Variants in SNED1 observed in about 807,000 individuals in gnomAD.
SNED1 encodes sushi, nidogen and EGF like domains 1.
Under a neutral mutation model 166.7 loss-of-function variants are expected in SNED1, and 81 were observed. The observed-to-expected ratio is 0.49, with a 90% CI of 0.41 to 0.58. The LOEUF is 0.58. Ranked by LOEUF, SNED1 falls within the 20% of genes least tolerant of loss-of-function variation. The probability of loss-of-function intolerance (pLI) is 0.00; values close to 1 mark genes in which losing one functional copy is unlikely to be tolerated. For synonymous variants in SNED1, 762 were observed against 822.0 expected (o/e 0.93, Z 1.25); for missense variants, 1,604 against 2,000.2 (o/e 0.80, Z 3.78).
At chr2:241,043,007 A>G (rs916194709) in intron 8 of SNED1, among the ~76,000 whole-genome samples, 1 of 152,214 alleles carries the variant, frequency 6.6e-6, no homozygotes, top group Non-Finnish European at 1.5e-5. Flanking sequence ...GGATCCATGT[A>G]TGTGCAGTCT....
At chr2:241,058,058 A>G (rs1213155139) in intron 16 of SNED1, among the ~76,000 whole-genome samples, 2 of 152,222 alleles carry the variant, frequency 1.3e-5, no homozygotes, top group African/African-American at 4.8e-5. Flanking sequence ...GCACTCTTAG[A>G]CATTCCTAAA....
chr2:241,040,455 G>A, intron 8 of SNED1, 42 bp downstream of exon 8: 3 of 1,334,734 alleles, frequency 2.2e-6, no homozygotes, highest in South Asian at 1.4e-5. Flanking sequence ...GCTGATGGTG[G>A]CTTTGTGCCG....
rs2061938281 is a variant in SNED1, at chr2:241,053,266, C to A, written c.2197C>A (p.Pro733Thr). 1.9e-6 allele frequency: 3 copies of A among 1,604,046 alleles called. No homozygotes were observed. Among genetic ancestry groups the A allele is most frequent in the Non-Finnish European group, 1.7e-6 (2 of 1,175,244 alleles). Residue 733 changes from proline (P) to threonine (T), a missense_variant, in exon 16 of 32, where the codon CCC becomes ACC. By Grantham distance (38) the Pro-to-Thr change is conservative (BLOSUM62 -1). Around this residue, in one of 2 missense-constraint regions of SNED1, gnomAD observed 1,237 missense variants for 1,620.8 expected, o/e 0.76. Coordinates refer to ENST00000310397, the MANE Select transcript of SNED1 (RefSeq NM_001080437.3). ...TGACCGTGGCTACAGCCTGAGCGCCCCCAGCCGCATCCGGGTCTGCCAGCC... is the reference window on the plus strand; with the variant it reads ...TGACCGTGGCTACAGCCTGAGCGCCACCAGCCGCATCCGGGTCTGCCAGCC... The part of the protein sequence containing the change: ...ACDRGYSLSA[P>T]SRIRVCQPHG...
rs1391403378 is a variant in SNED1, at chr2:241,095,060, G to A, written c.*3424G>A. The A allele has an allele frequency of 1.1e-5, 1 of 90,298 alleles. No homozygotes were observed. The highest frequency in any genetic ancestry group is 4.8e-4 in the South Asian group (1 of 2,066). 5.6% of individuals were successfully genotyped at this position (90,298 alleles called of 1,614,324 possible). A position where few individuals can be genotyped will look rare whatever the true frequency, so the allele number is the denominator to read the frequency against. ...CTCATTGAGTTCCCTAAGGTGACAC[G>A]CCCCCCCCCCCCCCCACACCCACCT... is the stretch of plus-strand genomic sequence containing the variant. On this transcript the variant is annotated 3_prime_UTR_variant, in exon 32 of 32. Coordinates refer to ENST00000310397, the MANE Select transcript of SNED1 (RefSeq NM_001080437.3).
intron 27 of SNED1, chr2:241,074,095 AG>A (rs1350008027): frequency 6.6e-6 from 1 of 152,216 alleles, no homozygotes; most frequent in African/African-American, 2.4e-5. Context: ...GTCATACCAT[AG>A]ACTCAGATTG....
intron 28 of SNED1, 101 bp downstream of exon 28, chr2:241,081,894 C>A: frequency 1.2e-6 from 1 of 866,600 alleles, no homozygotes; most frequent in Non-Finnish European, 1.9e-6. Context: ...AGCCTCCAAA[C>A]GATGAGGTGC....
At position 240,998,770 on chromosome 2, in the gene SNED1, C is replaced by A. The variant is rs1163499586; in HGVS notation, c.-68C>A. 3 of 794,566 alleles carry A rather than the reference C, an allele frequency of 3.8e-6. No individual in the cohort carries two copies. The highest frequency in any genetic ancestry group is 1.2e-4 in the Admixed American group (2 of 17,138). 49.2% of individuals were successfully genotyped at this position (794,566 alleles called of 1,614,324 possible). ...ACCCCGCCTGGCCCTGCCGGCCACC[C>A]CCGCGCGCAGCCTAGTCCCCCAGCG... On this transcript the variant is annotated 5_prime_UTR_variant, in exon 1 of 32. Coordinates refer to ENST00000310397, the MANE Select transcript of SNED1 (RefSeq NM_001080437.3).
chr2:241,090,247 G>A, intron 31 of SNED1: 2 of 1,501,756 alleles, frequency 1.3e-6, no homozygotes, highest in East Asian at 2.5e-5. Flanking sequence ...TAAAAACTAA[G>A]ACACAAACAC....
intron 8 of SNED1, among the ~76,000 whole-genome samples, chr2:241,044,917 A>G (rs1396021350): frequency 6.6e-6 from 1 of 152,232 alleles, no homozygotes; most frequent in Non-Finnish European, 1.5e-5. Flanking sequence ...AGGTAGCCCC[A>G]GAAAACTGGA....
intron 8 of SNED1, 106 bp from the exon 9 acceptor site, chr2:241,048,209 A>G: frequency 7.6e-7 from 1 of 1,313,232 alleles, no homozygotes; most frequent in Middle Eastern, 1.9e-4. Context: ...TCCACTTGGG[A>G]ATGACAACAG....
chr2:241,003,105 T>G, intron 1 of SNED1, among the ~76,000 whole-genome samples: 1 of 150,770 alleles, frequency 6.6e-6, no homozygotes, highest in East Asian at 2.0e-4. Flanking sequence ...TACGCTTCCC[T>G]GCCCCCCTCC....
rs570273441 is a variant in SNED1, at chr2:241,070,117, C to T, written c.3505C>T (p.Arg1169Trp). Residue 1169 changes from arginine (R) to tryptophan (W), a missense_variant, in exon 24 of 32, where the codon CGG (arginine) becomes TGG (tryptophan). Transcript: ENST00000310397. Reference protein sequence around the residue: ...YTVRDLLPGRRYQLSVIAVQS... With the variant: ...YTVRDLLPGRWYQLSVIAVQS... ...GGTGCGCGACCTGCTGCCGGGACGG[C>T]GGTACCAGCTCTCTGTGATAGCAGT... 18 of 1,612,682 alleles carry T rather than the reference C, an allele frequency of 1.1e-5. No individual in the cohort carries two copies. The highest frequency in any genetic ancestry group is 4.5e-5 in the East Asian group (2 of 44,874).
intron 8 of SNED1, among the ~76,000 whole-genome samples, chr2:241,042,457 CAAT>C (rs2061545799): frequency 6.6e-6 from 1 of 152,140 alleles, no homozygotes; most frequent in Non-Finnish European, 1.5e-5. Flanking sequence ...AGGAGTATAT[CAAT>C]AATACAACAG....
At chr2:241,037,764 G>C (rs1487653256) in intron 6 of SNED1, among the ~76,000 whole-genome samples, 1 of 152,244 alleles carries the variant, frequency 6.6e-6, no homozygotes, top group African/African-American at 2.4e-5. Context: ...TCTGGGGTCA[G>C]ATGGGCTGGC....
intron 28 of SNED1, 111 bp downstream of exon 28, chr2:241,081,904 C>A: frequency 1.2e-6 from 1 of 803,224 alleles, no homozygotes; most frequent in Non-Finnish European, 2.1e-6. Flanking sequence ...CGATGAGGTG[C>A]CAGACAGGGA....
At position 241,069,992 on chromosome 2, in the gene SNED1, C is replaced by T; in HGVS notation, c.3380C>T (p.Pro1127Leu). The change falls in exon 24 of 32, where the codon CCG (proline) becomes CTG (leucine). Residue 1127 changes from proline to leucine, a missense_variant. Physicochemically the swap from Pro to Leu is moderately conservative, Grantham distance 98 (BLOSUM62 -3). Transcript: ENST00000310397. The surrounding 1 kb of genome is among the most constrained non-coding windows in gnomAD (Gnocchi z 4.9). Reference sequence around the variant, plus strand: ...TCTGCCCACGTGGTCTGGGATGCCCCGACTCCAGGCAGCTTGCTGGAGGCT... The same window carrying T: ...TCTGCCCACGTGGTCTGGGATGCCCTGACTCCAGGCAGCTTGCTGGAGGCT... ...ATSAHVVWDA[P>L]TPGSLLEAYV... The T allele has an allele frequency of 2.5e-6, 4 of 1,612,980 alleles. No homozygotes were observed. The highest frequency in any genetic ancestry group is 1.1e-5 in the South Asian group (1 of 91,082).
Position 241,051,413 on chromosome 2 carries a change from T to C in SNED1, c.1736-331T>C, listed in dbSNP as rs1051432853. The stretch of plus-strand genomic sequence containing the variant: ...CTTCCTGTCAGATGGGGAATGCCCG[T>C]GTGCAGGAGGGAGGGAGTGCTGCGC... On this transcript the variant is annotated intron_variant, in intron 12 of 31. Coordinates refer to ENST00000310397, the MANE Select transcript of SNED1 (RefSeq NM_001080437.3). This position sits in a 1 kb window ranked among gnomAD's most constrained non-coding sequence, Gnocchi z 4.7. 2 of 263,190 alleles carry C rather than the reference T, an allele frequency of 7.6e-6. No individual in the cohort carries two copies. The highest frequency in any genetic ancestry group is 6.7e-5 in the East Asian group (1 of 15,006). The allele number at this position is 263,190 out of a possible 1,614,324, so 16.3% of individuals were successfully genotyped here. A position where few individuals can be genotyped will look rare whatever the true frequency, so the allele number is the denominator to read the frequency against.
intron 26 of SNED1, chr2:241,072,739 G>A (rs926689528): frequency 5.1e-6 from 1 of 195,994 alleles, no homozygotes; most frequent in East Asian, 1.4e-4. Flanking sequence ...GGTGAGATCT[G>A]GAGTACAGAG....
At chr2:241,033,336 T>TA (rs1443192945) in intron 2 of SNED1, among the ~76,000 whole-genome samples, 1 of 152,200 alleles carries the variant, frequency 6.6e-6, no homozygotes, top group East Asian at 1.9e-4. Context: ...GCCTGACTGT[T>TA]AAACGCTGCA....
Sources: gnomAD v4.1 joint callset for allele counts (sites outside exome capture counted in the v4.1 genomes callset) on GRCh38, gnomAD v4.1.1 for gene constraint, gnomAD v4.1.1 regional missense constraint, Gnocchi (gnomAD v3.1) non-coding constraint, MANE v1.5 for transcripts, NCBI Gene and HGNC (gene_info 2026-07-23, HGNC 2026-07-21) for gene names.